BMPER: variants seen among roughly 807,000 people sequenced by gnomAD.
The protein encoded by BMPER is BMP binding endothelial regulator.
BMPER carries 45 observed loss-of-function variants against 87.3 expected under a neutral mutation model. That is an observed-to-expected ratio of 0.52 (90% confidence interval 0.41 to 0.66). BMPER has a LOEUF of 0.66. Ranked by LOEUF, BMPER falls within the 30% of genes least tolerant of loss-of-function variation. BMPER has a pLI of 0.00. For synonymous variants in BMPER, 326 were observed against 316.2 expected, an observed-to-expected ratio of 1.03 and a Z score of -0.33; for missense variants, 784 against 867.5, an observed-to-expected ratio of 0.90 and a Z score of 1.21.
intron 4 of BMPER, 121 bp from the exon 5 acceptor site, chr7:33,970,208 G>T: frequency 1.1e-6 from 1 of 939,508 alleles, no homozygotes; most frequent in South Asian, 1.3e-5. Context: ...CTCTCGCCCT[G>T]ACACCCACCA....
chr7:33,966,614 T>C, intron 4 of BMPER, 53 bp downstream of exon 4: 2 of 1,540,060 alleles, frequency 1.3e-6, no homozygotes. Context: ...AGAGTCCTCT[T>C]TAGTCACCCC....
At chr7:33,966,613 T>C (rs1585686132) in intron 4 of BMPER, 52 bp downstream of exon 4, 1 of 1,539,882 alleles carries the variant, frequency 6.5e-7, no homozygotes, top group South Asian at 1.1e-5. Context: ...TAGAGTCCTC[T>C]TTAGTCACCC....
intron 6 of BMPER, among the ~76,000 whole-genome samples, chr7:33,981,038 G>T (rs555290675): frequency 1.3e-5 from 2 of 152,138 alleles, no homozygotes; most frequent in South Asian, 4.2e-4. Flanking sequence ...AGCCAGGCAG[G>T]GTCCAGCCTC....
At chr7:34,089,236 G>T (rs1789307802) in intron 13 of BMPER, among the ~76,000 whole-genome samples, 1 of 152,118 alleles carries the variant, frequency 6.6e-6, no homozygotes, top group South Asian at 2.1e-4. Flanking sequence ...GACAAAGAAT[G>T]AAGTAGCATA....
At chr7:33,922,315 C>T (rs941628753) in intron 2 of BMPER, among the ~76,000 whole-genome samples, 14 of 152,182 alleles carry the variant, frequency 9.2e-5, no homozygotes, top group African/African-American at 3.4e-4. Flanking sequence ...TCCATGATGT[C>T]ACCATTCCCC....
At chr7:33,999,905 G>A (rs76898824) in intron 6 of BMPER, among the ~76,000 whole-genome samples, 5 of 152,092 alleles carry the variant, frequency 3.3e-5, no homozygotes, top group Non-Finnish European at 7.4e-5. Context: ...AACTTAAAAG[G>A]CCACTACGCT....
intron 13 of BMPER, among the ~76,000 whole-genome samples, chr7:34,117,076 C>A (rs1790137134): frequency 6.6e-6 from 1 of 151,820 alleles, no homozygotes; most frequent in Non-Finnish European, 1.5e-5. Context: ...GGTACATAGA[C>A]AATAACAATT....
At chr7:34,098,030 C>G (rs1432950365) in intron 13 of BMPER, among the ~76,000 whole-genome samples, 1 of 152,040 alleles carries the variant, frequency 6.6e-6, no homozygotes, top group African/African-American at 2.4e-5. Context: ...ACTGGTTTTA[C>G]TGCCTCCTCG....
At chr7:34,045,354 A>T (rs1787934182) in intron 6 of BMPER, among the ~76,000 whole-genome samples, 1 of 152,322 alleles carries the variant, frequency 6.6e-6, no homozygotes, top group East Asian at 1.9e-4. Context: ...CTGAATATGA[A>T]GTTACAACTT....
At chr7:34,101,498 T>C (rs1201796847) in intron 13 of BMPER, among the ~76,000 whole-genome samples, 4 of 152,122 alleles carry the variant, frequency 2.6e-5, no homozygotes, top group African/African-American at 7.2e-5. Context: ...GGCAAGAAAA[T>C]TGTGCACTAA....
intron 13 of BMPER, among the ~76,000 whole-genome samples, chr7:34,089,271 AC>A (rs1253090111): frequency 2.6e-5 from 4 of 152,188 alleles, no homozygotes; most frequent in African/African-American, 9.7e-5. Flanking sequence ...CTTTCTGAGC[AC>A]CACTGTCTTG....
intron 5 of BMPER, among the ~76,000 whole-genome samples, chr7:33,972,069 A>AT (rs1785562478): frequency 2.0e-5 from 3 of 151,900 alleles, no homozygotes; most frequent in Non-Finnish European, 4.4e-5. Context: ...TGCCTGGCTA[A>AT]TTTTTTTGTA....
chr7:34,052,051 C>A, intron 8 of BMPER, 81 bp downstream of exon 8: 2 of 1,223,628 alleles, frequency 1.6e-6, no homozygotes, highest in Non-Finnish European at 2.4e-6. Flanking sequence ...TAGCCAAAGC[C>A]AATGGTGTGT....
rs779908625 is a variant in BMPER, at chr7:33,906,815, C to T, written c.134-3C>T. On this transcript the variant is annotated splice_region_variant and splice_polypyrimidine_tract_variant and intron_variant, in intron 1 of 14. Coordinates refer to ENST00000649409, the MANE Select transcript of BMPER (RefSeq NM_001365308.1). ...TGAAACATTTTTCCCCCCTGAATTT[C>T]AGGTTCTGTTGCAAAATGTGAAAAT... 1 of 1,612,400 alleles carries T rather than the reference C, an allele frequency of 6.2e-7. No homozygotes were observed. The highest frequency in any genetic ancestry group is 8.5e-7 in the Non-Finnish European group (1 of 1,178,562).
At chr7:33,996,392 A>C (rs1054045071) in intron 6 of BMPER, among the ~76,000 whole-genome samples, 1 of 152,136 alleles carries the variant, frequency 6.6e-6, no homozygotes, top group Non-Finnish European at 1.5e-5. Context: ...TCTTTAGGAC[A>C]CTCACTTTTA....
At chr7:34,101,021 G>C (rs1354582997) in intron 13 of BMPER, among the ~76,000 whole-genome samples, 4 of 152,128 alleles carry the variant, frequency 2.6e-5, no homozygotes, top group Non-Finnish European at 5.9e-5. Flanking sequence ...CAGGCCCCCT[G>C]ATCAGAATCT....
At chr7:34,023,445 G>A (rs1411148773) in intron 6 of BMPER, among the ~76,000 whole-genome samples, 1 of 152,032 alleles carries the variant, frequency 6.6e-6, no homozygotes, top group Non-Finnish European at 1.5e-5. Context: ...CCGTGGCTGA[G>A]GGATGTTAGT....
chr7:34,017,101 C>G (rs1787046155), intron 6 of BMPER, among the ~76,000 whole-genome samples: 1 of 151,826 alleles, frequency 6.6e-6, no homozygotes, highest in African/African-American at 2.4e-5. Context: ...TTTTTGTTGA[C>G]TATGCTGGTT....
chr7:34,113,349 A>G (rs1398040212), intron 13 of BMPER, among the ~76,000 whole-genome samples: 1 of 152,008 alleles, frequency 6.6e-6, no homozygotes, highest in Non-Finnish European at 1.5e-5. Context: ...TGGTAGCCAA[A>G]TATATCTTTT....
Sources: gnomAD v4.1 joint callset for allele counts (sites outside exome capture counted in the v4.1 genomes callset) on GRCh38, gnomAD v4.1.1 for gene constraint, MANE v1.5 for transcripts, NCBI Gene and HGNC (gene_info 2026-07-23, HGNC 2026-07-21) for gene names.